The following ANO10 variants were observed in gnomAD, a reference collection of about 807,000 sequenced individuals.
The protein encoded by ANO10 is anoctamin-10.
ANO10 carries 77 observed loss-of-function variants against 74.7 expected under a neutral mutation model. The ratio of observed to expected loss-of-function variants is 1.03; its 90% CI spans 0.86 to 1.25. The LOEUF is 1.25. Among genes scored for constraint, ANO10 ranks in the 50% most tolerant of loss-of-function variants. The pLI, the probability that ANO10 is intolerant of heterozygous loss-of-function variation, is 0.00. For synonymous variants in ANO10, 279 were observed against 284.9 expected (o/e 0.98, Z 0.21); for missense variants, 721 against 778.1 (o/e 0.93, Z 0.87).
At chr3:43,504,563 T>TA (rs139835846) in intron 11 of ANO10, among the ~76,000 whole-genome samples, 10,199 of 151,884 alleles carry the variant, frequency 0.067, 499 homozygotes, top group African/African-American at 0.12. Context: ...TTACTGTTCA[T>TA]AAAAAAAACA....
At chr3:43,615,943 G>A (rs528132089) in intron 1 of ANO10, among the ~76,000 whole-genome samples, 8 of 152,186 alleles carry the variant, frequency 5.3e-5, no homozygotes, top group Admixed American at 2.6e-4. Flanking sequence ...GTGAGCCACC[G>A]CGCCCGGCTA....
intron 11 of ANO10, among the ~76,000 whole-genome samples, chr3:43,541,440 C>T (rs1352564916): frequency 6.6e-6 from 1 of 152,142 alleles, no homozygotes; most frequent in Non-Finnish European, 1.5e-5. Context: ...AACCCAGAAC[C>T]TATGTTCTCA....
chr3:43,631,463 C>T (rs1382934311), intron 1 of ANO10, among the ~76,000 whole-genome samples: 1 of 152,150 alleles, frequency 6.6e-6, no homozygotes, highest in African/African-American at 2.4e-5. Flanking sequence ...TAGTATCCAC[C>T]CTTCTCAAAC....
intron 11 of ANO10, among the ~76,000 whole-genome samples, chr3:43,494,350 G>C (rs747488386): frequency 1.3e-5 from 2 of 152,178 alleles, no homozygotes; most frequent in African/African-American, 2.4e-5. Flanking sequence ...CTACTCAGGC[G>C]GCTGAGGCAG....
At chr3:43,538,394 AGGGT>A (rs1419419976) in intron 11 of ANO10, among the ~76,000 whole-genome samples, 5 of 152,250 alleles carry the variant, frequency 3.3e-5, no homozygotes, top group Non-Finnish European at 5.9e-5. Context: ...TTCCAAAAGA[AGGGT>A]GAATTTATTT....
chr3:43,621,000 G>C (rs1449966866), intron 1 of ANO10, among the ~76,000 whole-genome samples: 2 of 152,120 alleles, frequency 1.3e-5, no homozygotes, highest in African/African-American at 2.4e-5. Flanking sequence ...CTCTAGATTT[G>C]TATGACTTTA....
chr3:43,639,198 AAGC>A (rs2149562766), intron 1 of ANO10: 1 of 152,504 alleles, frequency 6.6e-6, no homozygotes, highest in South Asian at 2.1e-4. Flanking sequence ...TAGTTGTTAG[AAGC>A]ACATCACTAG....
chr3:43,438,806 A>C (rs994744024), intron 11 of ANO10, among the ~76,000 whole-genome samples: 6 of 152,176 alleles, frequency 3.9e-5, no homozygotes, highest in Non-Finnish European at 8.8e-5. Flanking sequence ...GCAGAAAAAA[A>C]GAATCAGTGA....
intron 4 of ANO10, among the ~76,000 whole-genome samples, chr3:43,593,751 C>A (rs1248955862): frequency 2.0e-5 from 3 of 152,182 alleles, no homozygotes; most frequent in Non-Finnish European, 4.4e-5. Flanking sequence ...ATCAAATTCA[C>A]ACATAACAAT....
intron 8 of ANO10, 53 bp from the exon 9 acceptor site, chr3:43,561,455 A>G: frequency 6.8e-7 from 1 of 1,462,760 alleles, no homozygotes; most frequent in Non-Finnish European, 9.5e-7. Context: ...ATAAAACTAT[A>G]GCATTTGTAT....
At chr3:43,528,885 T>C (rs894631440) in intron 11 of ANO10, among the ~76,000 whole-genome samples, 1 of 151,838 alleles carries the variant, frequency 6.6e-6, no homozygotes, top group Non-Finnish European at 1.5e-5. Flanking sequence ...GCTTCAGCCC[T>C]GAAGGTGGAG....
intron 11 of ANO10, among the ~76,000 whole-genome samples, chr3:43,530,341 A>T (rs908657447): frequency 6.7e-6 from 1 of 149,620 alleles, no homozygotes; most frequent in Admixed American, 6.7e-5. Context: ...AACGAAAAGT[A>T]AGCAGTAATT....
chr3:43,583,715 T>C (rs1379184799), intron 4 of ANO10, among the ~76,000 whole-genome samples: 1 of 152,224 alleles, frequency 6.6e-6, no homozygotes, highest in African/African-American at 2.4e-5. Context: ...CAGCAGCCTT[T>C]GCACGATGAA....
intron 1 of ANO10, among the ~76,000 whole-genome samples, chr3:43,607,900 G>C (rs889024226): frequency 2.0e-5 from 3 of 152,010 alleles, no homozygotes; most frequent in Non-Finnish European, 4.4e-5. Flanking sequence ...CAAAGCTAAA[G>C]ATAAAAACCA....
chr3:43,412,578 A>G (rs1183137618), intron 12 of ANO10, among the ~76,000 whole-genome samples: 3 of 152,194 alleles, frequency 2.0e-5, no homozygotes, highest in African/African-American at 7.2e-5. Flanking sequence ...CTCCATAGGT[A>G]GGGCTGCCTA....
rs753209182 is a variant in ANO10 at position 43,549,855 on chromosome 3, G to GA, written c.1669-8dup. 1.9e-6 allele frequency: 3 copies of GA among 1,612,340 alleles called. No individual in the cohort carries two copies. Among genetic ancestry groups the GA allele is most frequent in the South Asian group, 2.2e-5 (2 of 90,794 alleles). On this transcript the variant is annotated splice_region_variant and splice_polypyrimidine_tract_variant and intron_variant, in intron 10 of 12. Coordinates refer to ENST00000292246, the MANE Select transcript of ANO10 (RefSeq NM_018075.5). ...TCATCGTTTCAAAAGCCAACTAAAA[G>GA]AAAAAAGAATGGAAATTAAAAATTG...
chr3:43,625,475 T>C (rs2083483145), upstream of ANO10, among the ~76,000 whole-genome samples: 1 of 152,250 alleles, frequency 6.6e-6, no homozygotes, highest in South Asian at 2.1e-4. Context: ...TTACATTTTA[T>C]CTAGAGGTTT....
At chr3:43,488,672 A>G (rs1183727451) in intron 11 of ANO10, among the ~76,000 whole-genome samples, 1 of 150,200 alleles carries the variant, frequency 6.7e-6, no homozygotes, top group African/African-American at 2.4e-5. Flanking sequence ...AGGAAACAAC[A>G]GGTGCTGGAG....
chr3:43,410,476 A>C (rs1409864934), intron 12 of ANO10, among the ~76,000 whole-genome samples: 1 of 152,166 alleles, frequency 6.6e-6, no homozygotes, highest in Admixed American at 6.5e-5. Context: ...TTAAAATATT[A>C]TATTGGTCTT....
Sources: allele counts gnomAD v4.1 joint callset (sites outside exome capture counted in the v4.1 genomes callset), GRCh38; gene constraint gnomAD v4.1.1; transcripts MANE v1.5; gene names NCBI Gene and HGNC (gene_info 2026-07-23, HGNC 2026-07-21).